Variants in PRDM14 observed in about 807,000 individuals in gnomAD.
The protein encoded by PRDM14 is PR/SET domain 14, also known as PR domain zinc finger protein 14.
PRDM14 carries 16 observed loss-of-function variants against 48.0 expected under a neutral mutation model. That is an observed-to-expected ratio of 0.33 (90% CI 0.23 to 0.51). The LOEUF (loss-of-function observed/expected upper bound fraction) is 0.51, where lower values mean the gene tolerates loss of function less well. Among genes scored for constraint, PRDM14 ranks in the 20% least tolerant of loss-of-function variants. The pLI, the probability that PRDM14 is intolerant of heterozygous loss-of-function variation, is 0.97. For missense variants in PRDM14, 566 were observed against 719.6 expected, an observed-to-expected ratio of 0.79 and a Z score of 2.44; for synonymous variants, 264 against 276.6, an observed-to-expected ratio of 0.95 and a Z score of 0.45.
At chr8:70,062,317 T>C (rs141145890) in intron 5 of PRDM14, among the ~76,000 whole-genome samples, 31 of 152,318 alleles carry the variant, frequency 2.0e-4, no homozygotes, top group African/African-American at 7.5e-4. Context: ...TCCATGTTAA[T>C]AACAAATAGG....
At chr8:70,065,107 T>C (rs1040076364) in intron 5 of PRDM14, among the ~76,000 whole-genome samples, 2 of 151,986 alleles carry the variant, frequency 1.3e-5, no homozygotes, top group African/African-American at 4.8e-5. Flanking sequence ...AGGATGGTCT[T>C]GATCTCCTGA....
At chr8:70,064,287 A>T (rs1167429726) in intron 5 of PRDM14, among the ~76,000 whole-genome samples, 1 of 151,648 alleles carries the variant, frequency 6.6e-6, no homozygotes, top group Non-Finnish European at 1.5e-5. Context: ...ATTTCTGGAC[A>T]TTTCCTTGCC....
chr8:70,068,660 A>G (rs1210426952), intron 2 of PRDM14, 128 bp from the exon 3 acceptor site: 5 of 782,128 alleles, frequency 6.4e-6, no homozygotes, highest in Non-Finnish European at 1.1e-5. Flanking sequence ...TGTTGTTTCT[A>G]TTTTTCCCTG....
intron 5 of PRDM14, among the ~76,000 whole-genome samples, chr8:70,060,093 C>CAAAA (rs58440571): frequency 9.7e-6 from 1 of 102,620 alleles, no homozygotes; most frequent in African/African-American, 3.9e-5. Flanking sequence ...AACTCCATCT[C>CAAAA]AAAAAAAAAA....
At chr8:70,063,990 C>G (rs1163923381) in intron 5 of PRDM14, among the ~76,000 whole-genome samples, 2 of 152,114 alleles carry the variant, frequency 1.3e-5, no homozygotes, top group Non-Finnish European at 2.9e-5. Context: ...ACACCACCCA[C>G]CAAAACACTT....
chr8:70,067,545 CAAAG>C (rs1225834552), intron 4 of PRDM14, among the ~76,000 whole-genome samples: 132 of 146,624 alleles, frequency 9.0e-4, no homozygotes, highest in African/African-American at 3.1e-3. Flanking sequence ...AAAAAAAAAA[CAAAG>C]AAAGATTACT....
At chr8:70,062,059 C>T (rs1161539193) in intron 5 of PRDM14, among the ~76,000 whole-genome samples, 1 of 152,176 alleles carries the variant, frequency 6.6e-6, no homozygotes, top group Non-Finnish European at 1.5e-5. Context: ...ACATCCAAAC[C>T]ATTCATATTA....
rs114903504 is a variant in PRDM14 at position 70,068,040 on chromosome 8, G to A, written c.912+190C>T. 5.2e-3 allele frequency among the ~76,000 whole-genome samples: 793 copies of A among 152,248 alleles called. 10 individuals carry two copies. Among genetic ancestry groups the A allele is most frequent in the African/African-American group, 0.018 (748 of 41,534 alleles). On this transcript the variant is annotated intron_variant, in intron 4 of 7. Coordinates refer to ENST00000276594, the MANE Select transcript of PRDM14 (RefSeq NM_024504.4). The stretch of plus-strand genomic sequence containing the variant: ...GGCACCCACAAAACACAGAATTCAT[G>A]CAGAGGTGCTATCCTCATGGAGCAA...
intron 5 of PRDM14, among the ~76,000 whole-genome samples, chr8:70,063,156 G>A (rs59607852): frequency 0.015 from 2,330 of 152,090 alleles, 62 homozygotes; most frequent in African/African-American, 0.053. Context: ...AAAAATGGCC[G>A]GCCATGGTGT....
At chr8:70,056,419 A>G (rs1311631404) in intron 6 of PRDM14, among the ~76,000 whole-genome samples, 1 of 152,090 alleles carries the variant, frequency 6.6e-6, no homozygotes, top group African/African-American at 2.4e-5. Flanking sequence ...TGCTTTCACA[A>G]CCTCTTTCCA....
chr8:70,059,556 C>T (rs1208236862), intron 5 of PRDM14, among the ~76,000 whole-genome samples: 1 of 152,140 alleles, frequency 6.6e-6, no homozygotes, highest in Non-Finnish European at 1.5e-5. Context: ...AGGCATGAGC[C>T]ACCATGCCCG....
intron 7 of PRDM14, among the ~76,000 whole-genome samples, chr8:70,054,035 C>T (rs909794289): frequency 2.6e-5 from 4 of 152,230 alleles, no homozygotes; most frequent in Non-Finnish European, 5.9e-5. Context: ...TTTACTTCGT[C>T]TTTACTAATT....
chr8:70,061,946 A>G (rs542572626), intron 5 of PRDM14, among the ~76,000 whole-genome samples: 36 of 152,286 alleles, frequency 2.4e-4, no homozygotes, highest in African/African-American at 7.9e-4. Context: ...AAGACCTTAA[A>G]GAGGAAGGCT....
chr8:70,069,799 C>T lies in PRDM14; in HGVS notation c.62G>A (p.Ser21Asn). 3 of 1,610,140 alleles carry T rather than the reference C, an allele frequency of 1.9e-6. No individual in the cohort carries two copies. The highest frequency in any genetic ancestry group is 2.5e-6 in the Non-Finnish European group (3 of 1,178,748). Residue 21 changes from serine (S) to asparagine (N), a missense_variant, in exon 2 of 8, where the codon AGC becomes AAC. Around this residue, in one of 3 missense-constraint regions of PRDM14, gnomAD observed 410 missense variants for 424.6 expected, o/e 0.97. Coordinates refer to ENST00000276594, the MANE Select transcript of PRDM14 (RefSeq NM_024504.4). ...PQDKVCYPPESSPQNLAAYYT... is the reference protein window; with the variant it reads ...PQDKVCYPPENSPQNLAAYYT... ...GTACGCGGCCAGGTTCTGCGGGCTG[C>T]TCTCCGGCGGGTAGCACACCTTGTC...
chr8:70,068,446 G>C (rs1404043818), intron 3 of PRDM14, 33 bp downstream of exon 3: 1 of 1,613,866 alleles, frequency 6.2e-7, no homozygotes, highest in Admixed American at 1.7e-5. Flanking sequence ...CATTAGTTCA[G>C]GGAAAGAAAT....
At chr8:70,052,497 A>G (rs1389573234) in intron 7 of PRDM14, among the ~76,000 whole-genome samples, 193 bp from the exon 8 acceptor site, 1 of 152,180 alleles carries the variant, frequency 6.6e-6, no homozygotes, top group Non-Finnish European at 1.5e-5. Context: ...CCTTCTGGCT[A>G]GTTTTGAGAA....
At chr8:70,053,480 TC>T (rs1335397609) in intron 7 of PRDM14, among the ~76,000 whole-genome samples, 2 of 152,116 alleles carry the variant, frequency 1.3e-5, no homozygotes, top group Admixed American at 1.3e-4. Flanking sequence ...AACCTCCACC[TC>T]CCAGGTTCAA....
chr8:70,068,914 G>C (rs1805716301), intron 2 of PRDM14, among the ~76,000 whole-genome samples: 1 of 152,182 alleles, frequency 6.6e-6, no homozygotes, highest in African/African-American at 2.4e-5. Flanking sequence ...GAACCTACCT[G>C]GGAGTTCGCT....
intron 5 of PRDM14, among the ~76,000 whole-genome samples, chr8:70,059,057 C>T (rs982173047): frequency 2.6e-5 from 4 of 151,834 alleles, no homozygotes; most frequent in Admixed American, 1.3e-4. Flanking sequence ...CAGGTTCAAG[C>T]GATTCTCCTG....
Sources: allele counts gnomAD v4.1 joint callset (sites outside exome capture counted in the v4.1 genomes callset), GRCh38; gene constraint gnomAD v4.1.1; regional missense constraint gnomAD v4.1.1; transcripts MANE v1.5; gene names NCBI Gene and HGNC (gene_info 2026-07-23, HGNC 2026-07-21).